The following TAOK3 variants were observed in gnomAD, a reference collection of about 807,000 sequenced individuals.
TAOK3 encodes the protein TAO kinase 3.
A neutral mutation model predicts 120.4 loss-of-function variants in TAOK3; 40 were observed. That is an observed-to-expected ratio of 0.33 (90% confidence interval 0.26 to 0.43). The LOEUF (loss-of-function observed/expected upper bound fraction) is 0.43. TAOK3 is among the 20% of genes least tolerant of loss of function. The probability of loss-of-function intolerance (pLI) is 1.00; values close to 1 mark genes in which losing one functional copy is unlikely to be tolerated. For synonymous variants in TAOK3, 355 were observed against 387.5 expected, an observed-to-expected ratio of 0.92 and a Z score of 0.99; for missense variants, 821 against 1,112.1, an observed-to-expected ratio of 0.74 and a Z score of 3.72.
At chr12:118,339,275 C>CTTTTTTTTTTTT in intron 1 of TAOK3, among the ~76,000 whole-genome samples, 1 of 86,912 alleles carries the variant, frequency 1.2e-5, no homozygotes, top group African/African-American at 5.0e-5. Context: ...CTTCATCATA[C>CTTTTTTTTTTTT]TTTTTTTTTT....
At chr12:118,243,757 A>T (rs1165525595) in intron 4 of TAOK3, among the ~76,000 whole-genome samples, 1 of 152,060 alleles carries the variant, frequency 6.6e-6, no homozygotes, top group Non-Finnish European at 1.5e-5. Context: ...GCTCACTGCA[A>T]CCTCTGCTGC....
chr12:118,234,297 CA>C (rs1481180898), intron 8 of TAOK3, among the ~76,000 whole-genome samples: 1 of 129,826 alleles, frequency 7.7e-6, no homozygotes, highest in East Asian at 2.4e-4. Context: ...GGTGCAATCT[CA>C]GCTCACTGCA....
chr12:118,187,521 T>TA (rs1392253346), intron 14 of TAOK3, among the ~76,000 whole-genome samples: 6 of 152,118 alleles, frequency 3.9e-5, no homozygotes, highest in Non-Finnish European at 7.4e-5. Context: ...TAATATACAT[T>TA]AAAAAATCCA....
chr12:118,233,272 GGGATAGCATTA>G (rs1305790932), intron 9 of TAOK3, among the ~76,000 whole-genome samples: 1 of 117,146 alleles, frequency 8.5e-6, no homozygotes, highest in Non-Finnish European at 1.7e-5. Context: ...GGAGGGGGGA[GGGATAGCATTA>G]GGAGATATAC....
At chr12:118,176,377 G>C (rs1217595497) in intron 16 of TAOK3, among the ~76,000 whole-genome samples, 4 of 152,110 alleles carry the variant, frequency 2.6e-5, no homozygotes, top group Non-Finnish European at 1.5e-5. Context: ...GTCACTGAAC[G>C]AGTAGGCTAG....
At chr12:118,314,949 G>A (rs2043395865) in intron 1 of TAOK3, among the ~76,000 whole-genome samples, 1 of 150,728 alleles carries the variant, frequency 6.6e-6, no homozygotes. Context: ...TTAAGATGTA[G>A]TCTCACTCTA....
chr12:118,283,527 C>T (rs929037780), intron 1 of TAOK3: 2 of 153,038 alleles, frequency 1.3e-5, no homozygotes, highest in Non-Finnish European at 2.9e-5. Context: ...GTTAAGAGAT[C>T]GAGACCAACC....
chr12:118,345,153 T>A (rs762938131), intron 1 of TAOK3, among the ~76,000 whole-genome samples: 8 of 152,178 alleles, frequency 5.3e-5, no homozygotes, highest in Non-Finnish European at 1.2e-4. Context: ...GTGACATAAA[T>A]TTGAAGTAAG....
rs1261843125 is a variant in TAOK3, at chr12:118,245,195, G to A, written c.121-230C>T. Among the ~76,000 whole-genome samples the A allele has an allele frequency of 3.3e-5, 5 of 152,166 alleles. No individual in the cohort carries two copies. In the East Asian group the frequency reaches 7.7e-4, roughly 24 times the overall value. On this transcript the variant is annotated intron_variant, in intron 3 of 20. Coordinates refer to ENST00000392533, the MANE Select transcript of TAOK3 (RefSeq NM_016281.4). ...TTACAGGCACGCACCACCATGCCAC[G>A]CTAATGTTTTTTGTATTTTTAGTAG...
intron 14 of TAOK3, among the ~76,000 whole-genome samples, chr12:118,187,743 A>G (rs1175491121): frequency 1.3e-5 from 2 of 152,214 alleles, no homozygotes; most frequent in African/African-American, 2.4e-5. Flanking sequence ...AAGCAACAGC[A>G]TATCAGCTAC....
rs2041032874 is a variant in TAOK3, at chr12:118,257,392, T to C, written c.-88-1737A>G. Among the ~76,000 whole-genome samples the C allele has an allele frequency of 2.0e-5, 3 of 152,200 alleles. No individual in the cohort carries two copies. The South Asian group carries it at 6.2e-4, about 31-fold the overall frequency. On this transcript the variant is annotated intron_variant, in intron 2 of 20. Coordinates refer to ENST00000392533, the MANE Select transcript of TAOK3 (RefSeq NM_016281.4). ...GACATCATTTTGACATGCTCATATA[T>C]TGATCTGCCATTAGTTACATAAATT...
Position 118,328,707 on chromosome 12 carries a change from A to C in TAOK3, c.-194+43941T>G, listed in dbSNP as rs151176608. 2.7e-3 allele frequency among the ~76,000 whole-genome samples: 416 copies of C among 152,342 alleles called. 4 individuals carry two copies. The highest frequency in any genetic ancestry group is 0.01 in the Middle Eastern group (3 of 294). On this transcript the variant is annotated intron_variant, in intron 1 of 20. Transcript: ENST00000392533. Reference sequence around the variant, plus strand: ...CAATTTTTCTTCAAGTGGAAGTGGGATCTCTTACTAAAGAATTCATTTTGC... The same window carrying C: ...CAATTTTTCTTCAAGTGGAAGTGGGCTCTCTTACTAAAGAATTCATTTTGC...
intron 8 of TAOK3, 69 bp from the exon 9 acceptor site, chr12:118,233,834 A>G (rs991124616): frequency 1.8e-5 from 17 of 965,576 alleles, no homozygotes; most frequent in Non-Finnish European, 2.6e-5. Context: ...AAGTGATTCA[A>G]TGAAATAGCT....
intron 14 of TAOK3, among the ~76,000 whole-genome samples, chr12:118,183,755 A>G (rs2036909609): frequency 6.6e-6 from 1 of 152,210 alleles, no homozygotes; most frequent in Non-Finnish European, 1.5e-5. Flanking sequence ...GGTTAGGGTA[A>G]TGAATTTTAG....
chr12:118,357,273 T>A (rs2045436641), intron 1 of TAOK3, among the ~76,000 whole-genome samples: 1 of 152,242 alleles, frequency 6.6e-6, no homozygotes. Flanking sequence ...TTTGTATTAG[T>A]ATGCTATATT....
chr12:118,197,695 T>TTC (rs1419635066), intron 13 of TAOK3, among the ~76,000 whole-genome samples: 1 of 144,276 alleles, frequency 6.9e-6, no homozygotes, highest in African/African-American at 2.6e-5. Flanking sequence ...TTTTTTTTTT[T>TTC]TTTTTTTTTT....
intron 1 of TAOK3, among the ~76,000 whole-genome samples, chr12:118,269,774 A>G (rs2041624759): frequency 6.6e-6 from 1 of 152,198 alleles, no homozygotes; most frequent in Non-Finnish European, 1.5e-5. Context: ...CTAGGAATTA[A>G]GCCTTCTCAG....
intron 1 of TAOK3, among the ~76,000 whole-genome samples, chr12:118,275,886 G>C (rs926099478): frequency 2.0e-5 from 3 of 152,196 alleles, no homozygotes; most frequent in Non-Finnish European, 4.4e-5. Flanking sequence ...AAGTGAAGGA[G>C]TAAGCCCTGA....
intron 1 of TAOK3, among the ~76,000 whole-genome samples, chr12:118,368,489 C>T (rs1014234973): frequency 1.3e-5 from 2 of 149,726 alleles, no homozygotes; most frequent in Non-Finnish European, 3.0e-5. Context: ...TGAGCCACCG[C>T]GCCCGGCCTG....
Sources: gnomAD v4.1 joint callset for allele counts (sites outside exome capture counted in the v4.1 genomes callset) on GRCh38, gnomAD v4.1.1 for gene constraint, MANE v1.5 for transcripts, NCBI Gene and HGNC (gene_info 2026-07-23, HGNC 2026-07-21) for gene names.